The following RORA variants were observed in gnomAD, a reference collection of about 807,000 sequenced individuals.
RORA encodes the protein nuclear receptor ROR-alpha.
In RORA, 7 loss-of-function variants were observed where a neutral mutation model predicts 69.5. The ratio of observed to expected loss-of-function variants is 0.10; its 90% confidence interval spans 0.06 to 0.19. The LOEUF (loss-of-function observed/expected upper bound fraction) is 0.19, where lower values mean the gene tolerates loss of function less well. Ranked by LOEUF, RORA falls within the 10% of genes least tolerant of loss-of-function variation. RORA has a pLI of 1.00. For synonymous variants in RORA, 261 were observed against 240.8 expected, an observed-to-expected ratio of 1.08 and a Z score of -0.78; for missense variants, 457 against 663.0, an observed-to-expected ratio of 0.69 and a Z score of 3.41.
chr15:61,015,624 C>T (rs1218362487), intron 1 of RORA, among the ~76,000 whole-genome samples: 4 of 152,162 alleles, frequency 2.6e-5, no homozygotes, highest in Non-Finnish European at 5.9e-5. Context: ...TTCACCACCA[C>T]AATGCCATGA....
At chr15:60,706,881 T>C (rs891006293) in intron 1 of RORA, among the ~76,000 whole-genome samples, 1 of 152,170 alleles carries the variant, frequency 6.6e-6, no homozygotes, top group African/African-American at 2.4e-5. Flanking sequence ...CAAGAGAAAA[T>C]TCAGTCAAAT....
chr15:60,532,584 C>T (rs918623955), intron 2 of RORA, among the ~76,000 whole-genome samples: 1 of 152,148 alleles, frequency 6.6e-6, no homozygotes, highest in African/African-American at 2.4e-5. Context: ...CCGCAAATAA[C>T]ATGTATCACA....
At chr15:60,793,564 C>G (rs570518215) in intron 1 of RORA, among the ~76,000 whole-genome samples, 1 of 152,212 alleles carries the variant, frequency 6.6e-6, no homozygotes, top group South Asian at 2.1e-4. Flanking sequence ...TCTCAAACAC[C>G]AAGGAACTAC....
chr15:61,182,147 G>T (rs2079692817), intron 1 of RORA, among the ~76,000 whole-genome samples: 1 of 152,070 alleles, frequency 6.6e-6, no homozygotes, highest in Non-Finnish European at 1.5e-5. Flanking sequence ...TAGAGTTTTA[G>T]CCAAGAAGGA....
chr15:61,137,103 A>AAAG (rs1567006753), intron 1 of RORA, among the ~76,000 whole-genome samples: 9 of 142,542 alleles, frequency 6.3e-5, no homozygotes, highest in South Asian at 2.3e-4. Context: ...AAGAAAGAAA[A>AAAG]AAGCAAGGGT....
At chr15:60,930,782 T>C (rs543579808) in intron 1 of RORA, among the ~76,000 whole-genome samples, 1 of 152,340 alleles carries the variant, frequency 6.6e-6, no homozygotes, top group South Asian at 2.1e-4. Context: ...CCTGCTCATC[T>C]GCTCACCTGT....
intron 1 of RORA, among the ~76,000 whole-genome samples, chr15:60,781,882 C>T (rs2072265040): frequency 6.6e-6 from 1 of 152,194 alleles, no homozygotes; most frequent in Non-Finnish European, 1.5e-5. Flanking sequence ...GGGAGCCCAG[C>T]AGCGTGAACT....
At chr15:60,562,079 G>T (rs558258995) in intron 2 of RORA, among the ~76,000 whole-genome samples, 28 of 152,086 alleles carry the variant, frequency 1.8e-4, no homozygotes, top group African/African-American at 6.8e-4. Flanking sequence ...GAGTAGCTGG[G>T]ATTACAGGCG....
intron 2 of RORA, among the ~76,000 whole-genome samples, chr15:60,587,368 T>C (rs2068365369): frequency 6.6e-6 from 1 of 152,222 alleles, no homozygotes; most frequent in South Asian, 2.1e-4. Context: ...TTTTTTCCCA[T>C]ATAAATGCCA....
chr15:60,703,256 A>G (rs1312853542), intron 1 of RORA, among the ~76,000 whole-genome samples: 1 of 152,132 alleles, frequency 6.6e-6, no homozygotes, highest in African/African-American at 2.4e-5. Context: ...TTTTGTTCTC[A>G]TTAAGTCGCA....
At chr15:60,917,316 G>A (rs1469259850) in intron 1 of RORA, among the ~76,000 whole-genome samples, 5 of 152,074 alleles carry the variant, frequency 3.3e-5, no homozygotes, top group Non-Finnish European at 7.4e-5. Flanking sequence ...TAATAGCTTT[G>A]TTTGTTACTA....
intron 1 of RORA, among the ~76,000 whole-genome samples, chr15:60,959,048 C>T (rs1893346291): frequency 6.6e-6 from 1 of 152,066 alleles, no homozygotes; most frequent in African/African-American, 2.4e-5. Context: ...TAAAGTTGTA[C>T]CTGCAAAGAG....
intron 3 of RORA, among the ~76,000 whole-genome samples, chr15:60,526,238 T>G (rs1255314297): frequency 1.3e-5 from 2 of 152,222 alleles, no homozygotes; most frequent in Admixed American, 1.3e-4. Flanking sequence ...GCAAGTGGTC[T>G]CTGATTAAAG....
At chr15:60,579,064 G>GTTTTTTT in intron 2 of RORA, among the ~76,000 whole-genome samples, 1 of 129,694 alleles carries the variant, frequency 7.7e-6, no homozygotes, top group Non-Finnish European at 1.6e-5. Flanking sequence ...ACCGCGCCCG[G>GTTTTTTT]TTTTTTTTTT....
At chr15:60,541,128 G>T (rs2066858630) in intron 2 of RORA, among the ~76,000 whole-genome samples, 1 of 152,184 alleles carries the variant, frequency 6.6e-6, no homozygotes, top group Non-Finnish European at 1.5e-5. Flanking sequence ...GCCAGAAGCG[G>T]AAGTGTAAAT....
chr15:61,002,856 G>C (rs1447810083), intron 1 of RORA, among the ~76,000 whole-genome samples: 22 of 152,052 alleles, frequency 1.4e-4, no homozygotes, highest in Admixed American at 1.4e-3. Flanking sequence ...ATAGGGCCGG[G>C]CATGGTGGCT....
intron 1 of RORA, among the ~76,000 whole-genome samples, chr15:61,212,930 C>T (rs2080006532): frequency 6.6e-6 from 1 of 152,164 alleles, no homozygotes; most frequent in Non-Finnish European, 1.5e-5. Context: ...GTTAGGACTC[C>T]AGCTCTCTAG....
intron 1 of RORA, among the ~76,000 whole-genome samples, chr15:60,766,013 G>A (rs563642423): frequency 2.6e-5 from 4 of 152,242 alleles, no homozygotes; most frequent in South Asian, 2.1e-4. Context: ...TGCAGTGTCT[G>A]TAATTTAGAA....
intron 2 of RORA, among the ~76,000 whole-genome samples, chr15:60,616,312 T>A (rs1414147064): frequency 1.3e-5 from 2 of 152,204 alleles, no homozygotes; most frequent in African/African-American, 4.8e-5. Context: ...CTTCAGTGTG[T>A]GTGAGACTAA....
Sources: allele counts gnomAD v4.1 joint callset (sites outside exome capture counted in the v4.1 genomes callset), GRCh38; gene constraint gnomAD v4.1.1; transcripts MANE v1.5; gene names NCBI Gene and HGNC (gene_info 2026-07-23, HGNC 2026-07-21).